Variants in DKK2 observed in about 807,000 individuals in gnomAD.
The protein encoded by DKK2 is dickkopf Wnt signaling pathway inhibitor 2.
DKK2 carries 11 observed loss-of-function variants against 28.1 expected under a neutral mutation model. That is an observed-to-expected ratio of 0.39 (90% confidence interval 0.25 to 0.65). The LOEUF (loss-of-function observed/expected upper bound fraction) is 0.65. Among genes scored for constraint, DKK2 ranks in the 30% least tolerant of loss-of-function variants. The pLI, the probability that DKK2 is intolerant of heterozygous loss-of-function variation, is 0.47. For missense variants in DKK2, 326 were observed against 335.5 expected (o/e 0.97, Z 0.22); for synonymous variants, 135 against 126.5 (o/e 1.07, Z -0.45).
At chr4:106,986,274 T>G (rs1560586534) in intron 1 of DKK2, among the ~76,000 whole-genome samples, 1 of 152,230 alleles carries the variant, frequency 6.6e-6, no homozygotes, top group Non-Finnish European at 1.5e-5. Context: ...TCTAGTTCCC[T>G]CCTTCTTCAT....
chr4:106,971,587 TC>T (rs994868702), intron 1 of DKK2, among the ~76,000 whole-genome samples: 21 of 152,156 alleles, frequency 1.4e-4, no homozygotes, highest in African/African-American at 4.8e-4. Context: ...CTAAACAAAG[TC>T]CCCCTACATC....
chr4:107,015,424 A>G (rs1723583206), intron 1 of DKK2, among the ~76,000 whole-genome samples: 1 of 151,306 alleles, frequency 6.6e-6, no homozygotes, highest in Non-Finnish European at 1.5e-5. Context: ...CTCCTTATTG[A>G]TTTATAGGAT....
intron 1 of DKK2, among the ~76,000 whole-genome samples, chr4:106,989,563 C>T (rs1723174956): frequency 6.6e-6 from 1 of 152,134 alleles, no homozygotes; most frequent in Admixed American, 6.6e-5. Flanking sequence ...TCTGGTAGAG[C>T]ACACTATAAA....
chr4:107,007,259 C>G (rs574249660), intron 1 of DKK2, among the ~76,000 whole-genome samples: 10 of 152,018 alleles, frequency 6.6e-5, no homozygotes, highest in African/African-American at 2.4e-4. Flanking sequence ...AGTCAATAGA[C>G]CCAGGAATAA....
intron 1 of DKK2, among the ~76,000 whole-genome samples, chr4:107,004,387 A>G (rs1202322806): frequency 6.6e-6 from 1 of 152,246 alleles, no homozygotes; most frequent in Non-Finnish European, 1.5e-5. Flanking sequence ...GTTAGGATTC[A>G]CAATAATGTC....
chr4:106,948,726 G>T (rs1180308056), intron 1 of DKK2, among the ~76,000 whole-genome samples: 1 of 152,206 alleles, frequency 6.6e-6, no homozygotes, highest in Non-Finnish European at 1.5e-5. Flanking sequence ...GTCTGGCACA[G>T]TGCCTGGCAT....
intron 1 of DKK2, among the ~76,000 whole-genome samples, chr4:107,030,770 T>C (rs915455266): frequency 6.6e-6 from 1 of 152,056 alleles, no homozygotes; most frequent in African/African-American, 2.4e-5. Context: ...ATTATTTTAA[T>C]GTACATTTAA....
chr4:106,983,337 G>GAAGGAAGAAAGAAAGA (rs1553923099), intron 1 of DKK2, among the ~76,000 whole-genome samples: 41 of 120,506 alleles, frequency 3.4e-4, no homozygotes, highest in Admixed American at 6.6e-4. Context: ...AGGAAGAAAG[G>GAAGGAAGAAAGAAAGA]AAGAAAGAAA....
At chr4:106,931,335 G>A (rs1724501553) in intron 1 of DKK2, among the ~76,000 whole-genome samples, 1 of 152,114 alleles carries the variant, frequency 6.6e-6, no homozygotes, top group South Asian at 2.1e-4. Context: ...TATTTATTTA[G>A]TATTTATTTA....
chr4:106,953,777 C>A (rs1722539169), intron 1 of DKK2, among the ~76,000 whole-genome samples: 1 of 152,186 alleles, frequency 6.6e-6, no homozygotes, highest in Non-Finnish European at 1.5e-5. Flanking sequence ...GCTTATAGAT[C>A]TTGCAGCACA....
intron 1 of DKK2, among the ~76,000 whole-genome samples, chr4:106,935,624 G>A (rs956373932): frequency 3.3e-5 from 5 of 152,236 alleles, no homozygotes; most frequent in African/African-American, 1.2e-4. Flanking sequence ...ACAGCTCAAG[G>A]AGGCCTGCCT....
At chr4:107,033,600 A>T (rs1723910667) in intron 1 of DKK2, among the ~76,000 whole-genome samples, 1 of 152,200 alleles carries the variant, frequency 6.6e-6, no homozygotes, top group Non-Finnish European at 1.5e-5. Flanking sequence ...GAACAGAAAC[A>T]AAAAGCGCTT....
chr4:106,941,444 A>G (rs1263913991), intron 1 of DKK2, among the ~76,000 whole-genome samples: 2 of 152,080 alleles, frequency 1.3e-5, no homozygotes, highest in Non-Finnish European at 2.9e-5. Context: ...ATGCCTTCCC[A>G]TTTTCCAGCC....
At chr4:106,966,058 G>A (rs1272199509) in intron 1 of DKK2, among the ~76,000 whole-genome samples, 49 of 152,014 alleles carry the variant, frequency 3.2e-4, no homozygotes, top group Admixed American at 3.1e-3. Flanking sequence ...ATAAACATAC[G>A]TGTGCATGTG....
Position 107,031,406 on chromosome 4 carries a change from G to A in DKK2, c.222+3964C>T, listed in dbSNP as rs181185099. 4.2e-3 allele frequency among the ~76,000 whole-genome samples: 631 copies of A among 152,040 alleles called. 4 individuals carry two copies. Among genetic ancestry groups the A allele is most frequent in the African/African-American group, 0.013 (550 of 41,546 alleles). ...ATGAATGTTTGTGCATACAGATACA[G>A]CACACTTTCATTAAAGAAAATGCAG... On this transcript the variant is annotated intron_variant, in intron 1 of 3. Coordinates refer to ENST00000285311, the MANE Select transcript of DKK2 (RefSeq NM_014421.3).
At chr4:106,934,464 T>C (rs1724549300) in intron 1 of DKK2, among the ~76,000 whole-genome samples, 1 of 152,138 alleles carries the variant, frequency 6.6e-6, no homozygotes, top group Non-Finnish European at 1.5e-5. Flanking sequence ...GTTTCAGAAA[T>C]ATCATCTTAA....
chr4:106,969,440 C>T (rs565897786), intron 1 of DKK2, among the ~76,000 whole-genome samples: 200 of 151,778 alleles, frequency 1.3e-3, no homozygotes, highest in African/African-American at 4.7e-3. Context: ...TCAGAAAAGC[C>T]CCATGCTGAC....
At chr4:107,020,349 G>A (rs1723672407) in intron 1 of DKK2, among the ~76,000 whole-genome samples, 1 of 152,032 alleles carries the variant, frequency 6.6e-6, no homozygotes, top group African/African-American at 2.4e-5. Flanking sequence ...GATTTTTCTT[G>A]TTAAAAAGCC....
At chr4:107,007,137 A>AT (rs1478928286) in intron 1 of DKK2, among the ~76,000 whole-genome samples, 4 of 152,024 alleles carry the variant, frequency 2.6e-5, no homozygotes, top group Admixed American at 6.6e-5. Context: ...TAGTTTAGTG[A>AT]TTTTTTTCCT....
Sources: gnomAD v4.1 joint callset for allele counts (sites outside exome capture counted in the v4.1 genomes callset) on GRCh38, gnomAD v4.1.1 for gene constraint, MANE v1.5 for transcripts, NCBI Gene and HGNC (gene_info 2026-07-23, HGNC 2026-07-21) for gene names.